PCDH18: variants seen among roughly 807,000 people sequenced by gnomAD.
PCDH18 encodes protocadherin-18.
Under a neutral mutation model 71.5 loss-of-function variants are expected in PCDH18, and 38 were observed. The ratio of observed to expected loss-of-function variants is 0.53; its 90% CI spans 0.41 to 0.70. PCDH18 has a LOEUF of 0.70. Among genes scored for constraint, PCDH18 ranks in the 30% least tolerant of loss-of-function variants. The pLI is 0.00. For missense variants in PCDH18, 1,334 were observed against 1,384.6 expected (o/e 0.96, Z 0.58); for synonymous variants, 565 against 505.4 (o/e 1.12, Z -1.58).
chr4:137,523,016 G>A (rs771025957), intron 3 of PCDH18, among the ~76,000 whole-genome samples: 1 of 152,154 alleles, frequency 6.6e-6, no homozygotes. Flanking sequence ...TTCTTAAACT[G>A]CAAGAGTCCC....
intron 3 of PCDH18, among the ~76,000 whole-genome samples, chr4:137,523,440 T>C (rs977401780): frequency 2.0e-5 from 3 of 151,730 alleles, no homozygotes; most frequent in African/African-American, 7.3e-5. Flanking sequence ...ATAACAATCA[T>C]AGTGGTAATG....
At position 137,530,991 on chromosome 4, in the gene PCDH18, T is replaced by C. The variant is rs751604277; in HGVS notation, c.1098A>G (p.Ile366Met). ...TAGGATCCCCTTCAAAAATATAAGATATTTCTTCTTTTCCAGGGGACATGA... is the reference window on the plus strand; with the variant it reads ...TAGGATCCCCTTCAAAAATATAAGACATTTCTTCTTTTCCAGGGGACATGA... ...INLMSPGKEE[I>M]SYIFEGDPID... Residue 366 changes from isoleucine to methionine, a missense_variant, in exon 1 of 4, where the codon ATA becomes ATG. Physicochemically the swap from Ile to Met is conservative, Grantham distance 10. Coordinates refer to ENST00000344876, the MANE Select transcript of PCDH18 (RefSeq NM_019035.5). 7 of 1,612,658 alleles carry C rather than the reference T, an allele frequency of 4.3e-6. No homozygotes were observed. In the South Asian group the frequency reaches 4.4e-5, roughly 10 times the overall value.
rs1354112078 is a variant in PCDH18 at position 137,530,756 on chromosome 4, G to C, written c.1333C>G (p.Leu445Val). ...VIAEDRGTPS[L>V]STVKHFTVQI... ...ACTGTAAAATGTTTCACTGTAGAGA[G>C]ACTGGGTGTCCCCCTGTCCTCAGCG... Residue 445 changes from leucine (L) to valine (V), a missense_variant, in exon 1 of 4, where the codon CTC (leucine) becomes GTC (valine). Transcript: ENST00000344876. 1 of 1,612,906 alleles carries C rather than the reference G, an allele frequency of 6.2e-7. No homozygotes were observed. Among genetic ancestry groups the C allele is most frequent in the Admixed American group, 1.7e-5 (1 of 59,996 alleles).
At position 137,529,465 on chromosome 4, in the gene PCDH18, A is replaced by G. The variant is rs540714754; in HGVS notation, c.2487+137T>C. 48 of 588,148 alleles carry G rather than the reference A, an allele frequency of 8.2e-5. 1 individual carries two copies. In the South Asian group the frequency reaches 1.3e-3, roughly 16 times the overall value. The allele number at this position is 588,148 out of a possible 1,614,324, so 36.4% of individuals were successfully genotyped here. On this transcript the variant is annotated intron_variant, in intron 1 of 3. Transcript: ENST00000344876. ...TGTGCATCTTTGCTACATATTCACA[A>G]TGTAACTTGTATCCTACTTAATTTG...
chr4:137,529,386 C>A, intron 1 of PCDH18: 1 of 450,446 alleles, frequency 2.2e-6, no homozygotes, highest in Non-Finnish European at 3.9e-6. Context: ...TTCAATATTA[C>A]ACATATTATA....
rs754505626 is a variant in PCDH18, at chr4:137,532,140, T to G, written c.-52A>C. The G allele has an allele frequency of 1.4e-6, 2 of 1,383,780 alleles. No individual in the cohort carries two copies. The highest frequency in any genetic ancestry group is 1.0e-6 in the Non-Finnish European group (1 of 971,462). The allele number at this position is 1,383,780 out of a possible 1,614,324, so 85.7% of individuals were successfully genotyped here. On this transcript the variant is annotated 5_prime_UTR_variant, in exon 1 of 4. Transcript: ENST00000344876. ...AGAGCAAGTTAAAACAGCAAAGCAA[T>G]TGCCTCAACTTCCTTTGGCAACGTA...
Position 137,530,889 on chromosome 4 carries a change from A to C in PCDH18, c.1200T>G (p.His400Gln), listed in dbSNP as rs1731662857. 7 of 1,612,526 alleles carry C rather than the reference A, an allele frequency of 4.3e-6. No homozygotes were observed. In the East Asian group the frequency reaches 1.6e-4, roughly 36 times the overall value. The stretch of plus-strand genomic sequence containing the variant: ...TCTGAAGTTTAAAGTGACCATGTCC[A>C]TGAAGCTTACAAACTATTTCTCCAT... The part of the protein sequence containing the change: ...GLNGEIVCKL[H>Q]GHGHFKLQKT... The change falls in exon 1 of 4, where the codon CAT becomes CAG. Residue 400 changes from histidine (H) to glutamine (Q), a missense_variant. Transcript: ENST00000344876.
In PCDH18 at chr4:137,529,638, G is replaced by C. The variant is rs1417859787; in HGVS notation, c.2451C>G (p.Phe817Leu). The change falls in exon 1 of 4, where the codon TTC (phenylalanine) becomes TTG (leucine). Residue 817 changes from phenylalanine (F) to leucine (L), a missense_variant. Physicochemically the swap from Phe to Leu is conservative, Grantham distance 22. Coordinates refer to ENST00000344876, the MANE Select transcript of PCDH18 (RefSeq NM_019035.5). The stretch of plus-strand genomic sequence containing the variant: ...GAGTGGCGTGGGTGAGTTCTAATGA[G>C]AAATTCTCTGGCACGTGGTTTGATG... ...TISSNHVPEN[F>L]SLELTHATPA... 6.2e-7 allele frequency: 1 copy of C among 1,611,862 alleles called. No homozygotes were observed. Among genetic ancestry groups the C allele is most frequent in the Admixed American group, 1.7e-5 (1 of 59,894 alleles).
In PCDH18 at chr4:137,532,385, G is replaced by A. The variant is rs886390074; in HGVS notation, c.-297C>T. ...CTTGTGTAGTCGGAATCCATCTATTGCAGGGTGCCGGTGGAGTCTGCAGTG... is the reference window on the plus strand; with the variant it reads ...CTTGTGTAGTCGGAATCCATCTATTACAGGGTGCCGGTGGAGTCTGCAGTG... On this transcript the variant is annotated 5_prime_UTR_variant, in exon 1 of 4. Coordinates refer to ENST00000344876, the MANE Select transcript of PCDH18 (RefSeq NM_019035.5). The A allele has an allele frequency of 4.3e-6, 3 of 701,536 alleles. No homozygotes were observed. The highest frequency in any genetic ancestry group is 7.8e-6 in the Non-Finnish European group (3 of 384,760). 43.5% of individuals were successfully genotyped at this position (701,536 alleles called of 1,614,324 possible).
chr4:137,531,803 G>C lies in PCDH18; in HGVS notation c.286C>G (p.Gln96Glu), dbSNP rs543825792. 1.9e-6 allele frequency: 3 copies of C among 1,614,156 alleles called. No individual in the cohort carries two copies. The highest frequency in any genetic ancestry group is 4.5e-5 in the East Asian group (2 of 44,878). The stretch of plus-strand genomic sequence containing the variant: ...CAGTTCAAGTTTTTCTGGCACAGTT[G>C]TTCACGGTCAATTGTAGCCCCTATG... ...ISIGATIDRE[Q>E]LCQKNLNCSI... Residue 96 changes from glutamine (Q) to glutamate (E), a missense_variant, in exon 1 of 4, where the codon CAA (glutamine) becomes GAA (glutamate). This residue lies in a region of PCDH18 where 1,011 missense variants were observed against 1,048.0 expected (regional missense o/e 0.96). Transcript: ENST00000344876.
intron 3 of PCDH18, among the ~76,000 whole-genome samples, chr4:137,527,048 T>G (rs1040478226): frequency 2.6e-5 from 4 of 151,624 alleles, no homozygotes; most frequent in African/African-American, 9.7e-5. Flanking sequence ...AGTGCAGGTA[T>G]CAAACTCTGC....
chr4:137,530,738 A>G lies in PCDH18; in HGVS notation c.1351T>C (p.Phe451Leu). The G allele has an allele frequency of 6.2e-7, 1 of 1,613,018 alleles. No homozygotes were observed. Among genetic ancestry groups the G allele is most frequent in the Non-Finnish European group, 8.5e-7 (1 of 1,179,162 alleles). Residue 451 changes from phenylalanine (F) to leucine (L), a missense_variant, in exon 1 of 4, where the codon TTT becomes CTT. Phe to Leu is a conservative substitution (Grantham distance 22). Around this residue, in one of 3 missense-constraint regions of PCDH18, gnomAD observed 1,011 missense variants for 1,048.0 expected, o/e 0.96. Transcript: ENST00000344876. Reference sequence around the variant, plus strand: ...TTGATATCATTGATTTGAACTGTAAAATGTTTCACTGTAGAGAGACTGGGT... The same window carrying G: ...TTGATATCATTGATTTGAACTGTAAGATGTTTCACTGTAGAGAGACTGGGT... ...GTPSLSTVKH[F>L]TVQINDINDN...
At chr4:137,523,737 GC>G (rs1331748856) in intron 3 of PCDH18, among the ~76,000 whole-genome samples, 1 of 152,024 alleles carries the variant, frequency 6.6e-6, no homozygotes, top group Non-Finnish European at 1.5e-5. Flanking sequence ...ACAATACAAT[GC>G]AAAAATACAA....
In PCDH18 at chr4:137,529,900, T is replaced by G. The variant is rs749619667; in HGVS notation, c.2189A>C (p.Asp730Ala). 7 of 1,613,990 alleles carry G rather than the reference T, an allele frequency of 4.3e-6. No individual in the cohort carries two copies. The highest frequency in any genetic ancestry group is 5.1e-6 in the Non-Finnish European group (6 of 1,179,976). The change falls in exon 1 of 4, where the codon GAC (aspartate) becomes GCC (alanine). Residue 730 changes from aspartate (D) to alanine (A), a missense_variant. This residue lies in a region of PCDH18 where 1,011 missense variants were observed against 1,048.0 expected (regional missense o/e 0.96). Transcript: ENST00000344876. The stretch of plus-strand genomic sequence containing the variant: ...CACCCTGCAGTTATAGGATCTAGTG[T>G]CTTTCTTCTCGCGGTTACACCTAGT... Reference protein sequence around the residue: ...FATRCNREKKDTRSYNCRVAE... With the variant: ...FATRCNREKKATRSYNCRVAE...
rs549103047 is a variant in PCDH18, at chr4:137,530,510, T to C, written c.1579A>G (p.Ile527Val). The C allele has an allele frequency of 8.1e-6, 13 of 1,613,970 alleles. No individual in the cohort carries two copies. The East Asian group carries it at 8.9e-5, about 11-fold the overall frequency. The change falls in exon 1 of 4, where the codon ATC becomes GTC. Residue 527 changes from isoleucine to valine, a missense_variant. Physicochemically the swap from Ile to Val is conservative, Grantham distance 29. Transcript: ENST00000344876. ...TGATCAAAGATTCTGAGGGCATAGA[T>C]GGCTCCATTAGATGGGTCAATGGTT... is the stretch of plus-strand genomic sequence containing the variant. The part of the protein sequence containing the change: ...YVTIDPSNGA[I>V]YALRIFDHEE...
chr4:137,526,578 G>T lies in PCDH18; in HGVS notation c.2740+1900C>A, dbSNP rs143519081. Reference sequence around the variant, plus strand: ...CTTCAAATTGGTCAAGAAAGTCTATGCATTAAAAACAAAAACAAAAAACAG... The same window carrying T: ...CTTCAAATTGGTCAAGAAAGTCTATTCATTAAAAACAAAAACAAAAAACAG... On this transcript the variant is annotated intron_variant, in intron 3 of 3. Transcript: ENST00000344876. Among the ~76,000 whole-genome samples, 134 of 152,044 alleles carry T rather than the reference G, an allele frequency of 8.8e-4. No individual in the cohort carries two copies. The East Asian group carries it at 0.015, about 17-fold the overall frequency.
rs1731265489 is a variant in PCDH18 at position 137,520,796 on chromosome 4, T to C, written c.*233A>G. ...CATGGGAGTAAAAAAATAAAATTTG[T>C]TTGTTAAATTACACATAAATATAAG... On this transcript the variant is annotated 3_prime_UTR_variant, in exon 4 of 4. Coordinates refer to ENST00000344876, the MANE Select transcript of PCDH18 (RefSeq NM_019035.5). 1 of 409,060 alleles carries C rather than the reference T, an allele frequency of 2.4e-6. No individual in the cohort carries two copies. Among genetic ancestry groups the C allele is most frequent in the Non-Finnish European group, 4.3e-6 (1 of 231,178 alleles). The allele number at this position is 409,060 out of a possible 1,614,324, so 25.3% of individuals were successfully genotyped here.
chr4:137,524,844 TGAAA>T (rs1358431749), intron 3 of PCDH18, among the ~76,000 whole-genome samples: 1 of 152,182 alleles, frequency 6.6e-6, no homozygotes, highest in African/African-American at 2.4e-5. Flanking sequence ...TCAAGCTGTA[TGAAA>T]GAAAGATTTG....
chr4:137,532,341 T>G lies in PCDH18; in HGVS notation c.-253A>C, dbSNP rs1202093824. On this transcript the variant is annotated 5_prime_UTR_variant, in exon 1 of 4. It removes the in-frame stop codon of an upstream open reading frame in the 5' UTR. Transcript: ENST00000344876. ...CGTCCTCTTTCCAGGCAGGAGAGTG[T>G]CACCTCCGCGTTTTCTCCCTTGTGT... 6 of 702,386 alleles carry G rather than the reference T, an allele frequency of 8.5e-6. No individual in the cohort carries two copies. In the South Asian group the frequency reaches 8.9e-5, roughly 10 times the overall value. The allele number at this position is 702,386 out of a possible 1,614,324, so 43.5% of individuals were successfully genotyped here.
Sources: gnomAD v4.1 joint callset for allele counts (sites outside exome capture counted in the v4.1 genomes callset) on GRCh38, gnomAD v4.1.1 for gene constraint, gnomAD v4.1.1 regional missense constraint, MANE v1.5 for transcripts, NCBI Gene and HGNC (gene_info 2026-07-23, HGNC 2026-07-21) for gene names.